DCC: variants seen among roughly 807,000 people sequenced by gnomAD.
The protein encoded by DCC is netrin receptor DCC.
Under a neutral mutation model 172.5 loss-of-function variants are expected in DCC, and 58 were observed. That is an observed-to-expected ratio of 0.34 (90% CI 0.27 to 0.42). The LOEUF is 0.42. Ranked by LOEUF, DCC falls within the 10% of genes least tolerant of loss-of-function variation. DCC has a pLI of 1.00. For synonymous variants in DCC, 709 were observed against 644.5 expected (o/e 1.10, Z -1.52); for missense variants, 1,740 against 1,791.0 (o/e 0.97, Z 0.51).
At chr18:52,823,032 T>C (rs1312249427) in intron 2 of DCC, among the ~76,000 whole-genome samples, 3 of 152,326 alleles carry the variant, frequency 2.0e-5, no homozygotes, top group African/African-American at 7.2e-5. Flanking sequence ...AACATAAGAC[T>C]AAATCTTAAC....
chr18:52,932,654 T>G (rs1327621099), intron 5 of DCC, among the ~76,000 whole-genome samples: 2 of 152,116 alleles, frequency 1.3e-5, no homozygotes, highest in Non-Finnish European at 2.9e-5. Flanking sequence ...AGGAATGTGT[T>G]AAGTAGAGTT....
chr18:52,992,532 T>C (rs940802484), intron 5 of DCC, among the ~76,000 whole-genome samples: 2 of 152,182 alleles, frequency 1.3e-5, no homozygotes, highest in Non-Finnish European at 2.9e-5. Context: ...TCTACGGCTA[T>C]AGACTGAGAG....
At chr18:52,973,964 G>A (rs1456234885) in intron 5 of DCC, among the ~76,000 whole-genome samples, 1 of 152,080 alleles carries the variant, frequency 6.6e-6, no homozygotes, top group Non-Finnish European at 1.5e-5. Flanking sequence ...TTGTATGTGT[G>A]GCGGAGGTGT....
At chr18:52,383,563 CAAAT>C (rs896427188) in intron 1 of DCC, among the ~76,000 whole-genome samples, 4 of 151,912 alleles carry the variant, frequency 2.6e-5, no homozygotes, top group Admixed American at 6.6e-5. Context: ...ATATTAGTGT[CAAAT>C]AAACTTTCAT....
intron 1 of DCC, among the ~76,000 whole-genome samples, chr18:52,500,485 A>G (rs2030976892): frequency 6.6e-6 from 1 of 152,176 alleles, no homozygotes; most frequent in African/African-American, 2.4e-5. Context: ...AATTAGAACC[A>G]TTGTAATACT....
chr18:53,126,239 T>C (rs1235150151), intron 7 of DCC, among the ~76,000 whole-genome samples: 1 of 152,118 alleles, frequency 6.6e-6, no homozygotes, highest in Admixed American at 6.6e-5. Context: ...AACATAAGAC[T>C]TCTTGTTGTA....
At chr18:53,304,321 G>A (rs2057174776) in intron 12 of DCC, among the ~76,000 whole-genome samples, 1 of 152,068 alleles carries the variant, frequency 6.6e-6, no homozygotes, top group South Asian at 2.1e-4. Flanking sequence ...GTCCATATCA[G>A]TAGGAGCCTC....
intron 1 of DCC, among the ~76,000 whole-genome samples, chr18:52,675,359 C>A (rs1410878595): frequency 2.0e-5 from 3 of 152,086 alleles, no homozygotes; most frequent in African/African-American, 2.4e-5. Context: ...CCGGCCTAAT[C>A]CCAGGTCTTT....
chr18:53,503,865 T>TTACA (rs1340591728), intron 27 of DCC, among the ~76,000 whole-genome samples: 1 of 151,550 alleles, frequency 6.6e-6, no homozygotes, highest in Non-Finnish European at 1.5e-5. Flanking sequence ...ACATTGCATT[T>TTACA]TACACACATA....
intron 1 of DCC, among the ~76,000 whole-genome samples, chr18:52,490,252 G>A (rs2030433959): frequency 1.3e-5 from 2 of 152,076 alleles, no homozygotes; most frequent in Admixed American, 6.6e-5. Context: ...CATCTCTTAT[G>A]CTGCAGTGAG....
At chr18:52,523,628 T>A (rs992116202) in intron 1 of DCC, among the ~76,000 whole-genome samples, 2 of 152,182 alleles carry the variant, frequency 1.3e-5, no homozygotes, top group African/African-American at 4.8e-5. Context: ...TGCCTCTGGT[T>A]ACTTGTTTAT....
At chr18:52,735,316 C>A (rs1342948945) in intron 1 of DCC, among the ~76,000 whole-genome samples, 4 of 152,120 alleles carry the variant, frequency 2.6e-5, no homozygotes, top group African/African-American at 4.8e-5. Context: ...CCATTTTACA[C>A]CAAGTTATTT....
intron 1 of DCC, among the ~76,000 whole-genome samples, chr18:52,520,298 C>A (rs764634971): frequency 1.3e-5 from 2 of 152,128 alleles, no homozygotes; most frequent in Non-Finnish European, 2.9e-5. Flanking sequence ...ATGGTCACTC[C>A]CAGAACAGGC....
intron 1 of DCC, among the ~76,000 whole-genome samples, chr18:52,369,634 T>G (rs1482403100): frequency 2.0e-5 from 3 of 151,880 alleles, no homozygotes; most frequent in African/African-American, 7.3e-5. Context: ...TTACATTTAT[T>G]TTTTTCTTTA....
At chr18:53,165,094 T>G (rs2054896224) in intron 8 of DCC, among the ~76,000 whole-genome samples, 1 of 152,164 alleles carries the variant, frequency 6.6e-6, no homozygotes. Flanking sequence ...TTTATGAGCA[T>G]CATTCAATTT....
chr18:53,117,794 T>C (rs1249382640), intron 7 of DCC, among the ~76,000 whole-genome samples: 1 of 151,672 alleles, frequency 6.6e-6, no homozygotes, highest in East Asian at 1.9e-4. Context: ...ACAGAAATCA[T>C]GTAAATATAT....
chr18:52,551,727 TACACACACAC>T (rs74178673), intron 1 of DCC, among the ~76,000 whole-genome samples: 7 of 126,280 alleles, frequency 5.5e-5, no homozygotes, highest in South Asian at 2.7e-4. Flanking sequence ...TACTCTCCTC[TACACACACAC>T]ACACACACAC....
chr18:52,513,946 A>T (rs532447537), intron 1 of DCC, among the ~76,000 whole-genome samples: 16 of 152,322 alleles, frequency 1.1e-4, no homozygotes, highest in African/African-American at 3.8e-4. Flanking sequence ...TCACCTTCAC[A>T]GTCTATAGGT....
intron 2 of DCC, chr18:52,759,095 G>A (rs981567907): frequency 3.3e-5 from 5 of 152,176 alleles, no homozygotes; most frequent in Middle Eastern, 3.4e-3. Flanking sequence ...ATAAGTAACT[G>A]TTATATGTTT....
Sources: allele counts gnomAD v4.1 joint callset (sites outside exome capture counted in the v4.1 genomes callset), GRCh38; gene constraint gnomAD v4.1.1; transcripts MANE v1.5; gene names NCBI Gene and HGNC (gene_info 2026-07-23, HGNC 2026-07-21).